STON1: variants seen among roughly 807,000 people sequenced by gnomAD.
STON1 encodes the protein stonin-1.
STON1 carries 79 observed loss-of-function variants against 60.9 expected under a neutral mutation model. The observed-to-expected ratio is 1.30, with a 90% CI of 1.08 to 1.56. STON1 has a LOEUF of 1.56. Ranked by LOEUF, STON1 falls within the 40% of genes most tolerant of loss-of-function variation. The pLI is 0.00. For missense variants in STON1, 1,166 were observed against 858.9 expected, an observed-to-expected ratio of 1.36 and a Z score of -4.47; for synonymous variants, 363 against 306.9, an observed-to-expected ratio of 1.18 and a Z score of -1.91.
In STON1 at chr2:48,581,475, G is replaced by C; in HGVS notation, c.842G>C (p.Arg281Thr). 1.9e-6 allele frequency: 3 copies of C among 1,614,224 alleles called. No individual in the cohort carries two copies. Among genetic ancestry groups the C allele is most frequent in the Non-Finnish European group, 2.5e-6 (3 of 1,180,038 alleles). Residue 281 changes from arginine (R) to threonine (T), a missense_variant, in exon 2 of 4, where the codon AGA becomes ACA. Coordinates refer to ENST00000404752, the MANE Select transcript of STON1 (RefSeq NM_006873.4). ...AAATCCGGATGGTCTTTCATGCTGA[G>C]AATTCCTGAGAAGAAGAATATGATG... Reference protein sequence around the residue: ...QPKSGWSFMLRIPEKKNMMSS... With the variant: ...QPKSGWSFMLTIPEKKNMMSS...
At position 48,556,168 on chromosome 2, in the gene STON1, G is replaced by A. The variant is rs1178052246; in HGVS notation, c.-47-24419G>A. Among the ~76,000 whole-genome samples the A allele has an allele frequency of 4.5e-4, 8 of 17,858 alleles. 1 individual carries two copies. Among genetic ancestry groups the A allele is most frequent in the Non-Finnish European group, 2.4e-4 (2 of 8,306 alleles). The allele number at this position is 17,858 out of a possible 152,430, so 11.7% of individuals were successfully genotyped here. ...GACGGGGTGGCTGGCCGGGCGGGGC[G>A]CTGACCCCCCCACCTCCCTCCTGGA... On this transcript the variant is annotated intron_variant, in intron 1 of 3. Coordinates refer to ENST00000404752, the MANE Select transcript of STON1 (RefSeq NM_006873.4).
At chr2:48,532,173 C>G (rs1671237828) in intron 1 of STON1, among the ~76,000 whole-genome samples, 1 of 151,926 alleles carries the variant, frequency 6.6e-6, no homozygotes, top group South Asian at 2.1e-4. Flanking sequence ...CCTGATGAAA[C>G]CCCGTCTCTA....
At chr2:48,547,773 C>T (rs990546192) in intron 1 of STON1, among the ~76,000 whole-genome samples, 3 of 152,042 alleles carry the variant, frequency 2.0e-5, no homozygotes, top group African/African-American at 2.4e-5. Flanking sequence ...GGTTAATTTG[C>T]GGTTAATAGG....
intron 1 of STON1, among the ~76,000 whole-genome samples, chr2:48,557,223 T>G (rs1302034653): frequency 2.0e-5 from 1 of 49,464 alleles, no homozygotes; most frequent in Non-Finnish European, 3.9e-5. Flanking sequence ...TCAGACGGGG[T>G]GGTTGCCAGG....
In STON1 at chr2:48,582,164, C is replaced by A. The variant is rs375954695; in HGVS notation, c.1531C>A (p.Arg511=). The A allele has an allele frequency of 5.6e-6, 9 of 1,614,012 alleles. No homozygotes were observed. The African/African-American group carries it at 9.3e-5, about 17-fold the overall frequency. Residue 511 remains arginine (R), a synonymous_variant, in exon 2 of 4, where the codon CGG becomes AGG. Transcript: ENST00000404752. ...IIKFVPLDAC[R]FELMRFKTLY... ...TAAGTTTGTACCTCTGGATGCCTGCCGGTTTGAGCTGATGCGTTTCAAGAC... is the reference window on the plus strand; with the variant it reads ...TAAGTTTGTACCTCTGGATGCCTGCAGGTTTGAGCTGATGCGTTTCAAGAC...
In STON1 at chr2:48,596,580, T is replaced by C. The variant is rs1329450821; in HGVS notation, c.*1278T>C. On this transcript the variant is annotated 3_prime_UTR_variant, in exon 4 of 4. Coordinates refer to ENST00000404752, the MANE Select transcript of STON1 (RefSeq NM_006873.4). ...TCTTAAACATAATTAGGAGATATTT[T>C]TCTCTATTTGCTAGATTTGTTTTGA... 6.6e-6 allele frequency: 1 copy of C among 152,218 alleles called. No individual in the cohort carries two copies. The highest frequency in any genetic ancestry group is 1.5e-5 in the Non-Finnish European group (1 of 68,024). 9.4% of individuals were successfully genotyped at this position (152,218 alleles called of 1,614,324 possible).
intron 1 of STON1, among the ~76,000 whole-genome samples, chr2:48,533,470 C>T (rs1305792800): frequency 6.6e-6 from 1 of 151,740 alleles, no homozygotes; most frequent in Non-Finnish European, 1.5e-5. Context: ...AGGTGGATCG[C>T]CTGAGGTCAG....
chr2:48,571,273 A>G, intron 1 of STON1, among the ~76,000 whole-genome samples: 1 of 152,162 alleles, frequency 6.6e-6, no homozygotes, highest in East Asian at 1.9e-4. Context: ...CAGCTGAGGG[A>G]AAAGCCAGGG....
At chr2:48,576,564 G>C (rs536524411) in intron 1 of STON1, among the ~76,000 whole-genome samples, 144 of 149,802 alleles carry the variant, frequency 9.6e-4, no homozygotes, top group Non-Finnish European at 1.7e-3. Flanking sequence ...TAGATACCTC[G>C]TTGTAGTTTT....
intron 1 of STON1, among the ~76,000 whole-genome samples, chr2:48,577,611 T>G (rs1045194492): frequency 6.6e-5 from 10 of 151,916 alleles, no homozygotes; most frequent in African/African-American, 1.2e-4. Flanking sequence ...AAACAGGTTT[T>G]TTTGTTTGTT....
intron 2 of STON1, among the ~76,000 whole-genome samples, chr2:48,583,284 T>C (rs539495590): frequency 6.6e-6 from 1 of 152,248 alleles, no homozygotes; most frequent in South Asian, 2.1e-4. Context: ...AGACGGGGTC[T>C]CCCTATGTTG....
intron 2 of STON1, among the ~76,000 whole-genome samples, chr2:48,585,616 C>T (rs747932419): frequency 1.7e-4 from 26 of 152,184 alleles, no homozygotes; most frequent in Non-Finnish European, 3.4e-4. Context: ...CCAGAGAAAC[C>T]AGTTTTAAGG....
chr2:48,565,258 T>C (rs576872149), intron 1 of STON1, among the ~76,000 whole-genome samples: 1 of 151,870 alleles, frequency 6.6e-6, no homozygotes, highest in East Asian at 1.9e-4. Flanking sequence ...TTCACCATGT[T>C]AGCCAGGATG....
rs1266363672 is a variant in STON1, at chr2:48,597,873, T to C, written c.*2571T>C. On this transcript the variant is annotated 3_prime_UTR_variant, in exon 4 of 4. Transcript: ENST00000404752. ...CTCTAGGTGAAAAATCAGGTAGGGT[T>C]CAAATTAAGTAGAACTGCCCTTGCC... 6.6e-6 allele frequency: 1 copy of C among 152,200 alleles called. No homozygotes were observed. The highest frequency in any genetic ancestry group is 1.9e-4 in the East Asian group (1 of 5,198). 9.4% of individuals were successfully genotyped at this position (152,200 alleles called of 1,614,324 possible).
chr2:48,571,387 G>T (rs1673203093), intron 1 of STON1, among the ~76,000 whole-genome samples: 1 of 152,192 alleles, frequency 6.6e-6, no homozygotes, highest in South Asian at 2.1e-4. Context: ...AGACTTTGGG[G>T]AAAGTGCCCA....
intron 1 of STON1, among the ~76,000 whole-genome samples, chr2:48,568,301 A>G (rs1227352781): frequency 6.6e-6 from 1 of 152,156 alleles, no homozygotes; most frequent in African/African-American, 2.4e-5. Context: ...ATGCATACTG[A>G]AGTGGGGACA....
At chr2:48,569,022 A>G (rs1405474989) in intron 1 of STON1, 2 of 152,216 alleles carry the variant, frequency 1.3e-5, no homozygotes, top group Admixed American at 6.6e-5. Flanking sequence ...CGGGTGGTGG[A>G]CTTTGGGACT....
At position 48,564,569 on chromosome 2, in the gene STON1, CCTTCTCCTT is replaced by C. The variant is rs1558605690; in HGVS notation, c.-47-16015_-47-16007del. ...TTCTTCTTCTTCTTCTTCTTCTTCT[CCTTCTCCTT>C]CTCCTCCTCCTCCTCCTCCTCCTCC... is the stretch of plus-strand genomic sequence containing the variant. On this transcript the variant is annotated intron_variant, in intron 1 of 3. Coordinates refer to ENST00000404752, the MANE Select transcript of STON1 (RefSeq NM_006873.4). Among the ~76,000 whole-genome samples, 55 of 36,494 alleles carry C rather than the reference CCTTCTCCTT, an allele frequency of 1.5e-3. 4 individuals carry two copies. Among genetic ancestry groups the C allele is most frequent in the African/African-American group, 5.7e-3 (52 of 9,060 alleles). The allele number at this position is 36,494 out of a possible 152,430, so 23.9% of individuals were successfully genotyped here.
rs556939586 is a variant in STON1, at chr2:48,594,562, G to GATAA, written c.2134-650_2134-647dup. ...GGGGGTAAACGAAAAATAGTTAGTA[G>GATAA]ATAAATAAATAAATAAATATGATTT... On this transcript the variant is annotated intron_variant, in intron 3 of 3. Transcript: ENST00000404752. Among the ~76,000 whole-genome samples the GATAA allele has an allele frequency of 4.6e-3, 705 of 152,046 alleles. 6 individuals are homozygous for GATAA. Among genetic ancestry groups the GATAA allele is most frequent in the African/African-American group, 0.014 (560 of 41,448 alleles).
Sources: gnomAD v4.1 joint callset for allele counts (sites outside exome capture counted in the v4.1 genomes callset) on GRCh38, gnomAD v4.1.1 for gene constraint, MANE v1.5 for transcripts, NCBI Gene and HGNC (gene_info 2026-07-23, HGNC 2026-07-21) for gene names.